The following SF1 variants were observed in gnomAD, a reference collection of about 807,000 sequenced individuals.
SF1 encodes splicing factor 1, also known as branch point-binding protein.
In SF1, 7 loss-of-function variants were observed where a neutral mutation model predicts 62.5. That is an observed-to-expected ratio of 0.11 (90% CI 0.06 to 0.21). The LOEUF is 0.21. SF1 is among the 10% of genes least tolerant of loss of function. SF1 has a pLI of 1.00. For synonymous variants in SF1, 394 were observed against 323.6 expected, an observed-to-expected ratio of 1.22 and a Z score of -2.33; for missense variants, 578 against 884.0, an observed-to-expected ratio of 0.65 and a Z score of 4.39.
At chr11:64,774,045 A>G (rs1037390097) in intron 2 of SF1, among the ~76,000 whole-genome samples, 1 of 152,274 alleles carries the variant, frequency 6.6e-6, no homozygotes, top group African/African-American at 2.4e-5. Flanking sequence ...AAGACATTTA[A>G]TAACAAAATT....
rs774329575 is a variant in SF1, at chr11:64,769,135, A to G, written c.780-6T>C. ...TCTGCCAGGGTCTTAAGATCCTATT[A>G]AAGGAAAAAGAGGTCAATGCAAGGG... On this transcript the variant is annotated splice_polypyrimidine_tract_variant and splice_region_variant and intron_variant, in intron 7 of 12. Coordinates refer to ENST00000377390, the MANE Select transcript of SF1 (RefSeq NM_004630.4). 3.2e-5 allele frequency: 51 copies of G among 1,613,278 alleles called. No individual in the cohort carries two copies. The highest frequency in any genetic ancestry group is 6.8e-6 in the Non-Finnish European group (8 of 1,179,306).
At position 64,778,507 on chromosome 11, in the gene SF1, C is replaced by G. The variant is rs1482442465; in HGVS notation, c.-115G>C. ...GCTGCCGGAGCGCGCGGAGCCCGTC[C>G]TCTCACGCGGCGGGCGGCGGCGGCG... On this transcript the variant is annotated 5_prime_UTR_variant, in exon 1 of 13. Coordinates refer to ENST00000377390, the MANE Select transcript of SF1 (RefSeq NM_004630.4). 4.2e-6 allele frequency: 5 copies of G among 1,190,568 alleles called. No individual in the cohort carries two copies. The East Asian group carries it at 1.7e-4, about 42-fold the overall frequency. 73.8% of individuals were successfully genotyped at this position (1,190,568 alleles called of 1,614,324 possible).
intron 12 of SF1, chr11:64,766,454 C>T (rs2058678309): frequency 8.2e-6 from 4 of 489,142 alleles, no homozygotes; most frequent in Non-Finnish European, 1.4e-5. Flanking sequence ...GCCCAGCCGC[C>T]GCCACCACCG....
chr11:64,771,091 C>T (rs1479441144), intron 3 of SF1, among the ~76,000 whole-genome samples: 1 of 152,142 alleles, frequency 6.6e-6, no homozygotes, highest in Non-Finnish European at 1.5e-5. Context: ...GCAGCTTCTG[C>T]GAGAGGCTGC....
At chr11:64,774,472 CGCA>C in intron 2 of SF1, among the ~76,000 whole-genome samples, 1 of 152,320 alleles carries the variant, frequency 6.6e-6, no homozygotes, top group Middle Eastern at 3.4e-3. Flanking sequence ...TCCTTACCTT[CGCA>C]GCATCTGAGA....
intron 3 of SF1, chr11:64,771,873 G>C: frequency 1.0e-6 from 1 of 985,376 alleles, no homozygotes; most frequent in Non-Finnish European, 1.2e-6. Flanking sequence ...GGGCTCAAAA[G>C]CAAAACCAAT....
chr11:64,766,501 TC>T, intron 12 of SF1: 1 of 453,898 alleles, frequency 2.2e-6, no homozygotes, highest in Non-Finnish European at 3.9e-6. Context: ...AGCTGCTGTC[TC>T]CCCACTGCCC....
chr11:64,766,233 G>A, intron 12 of SF1, 78 bp from the exon 13 acceptor site: 2 of 1,043,834 alleles, frequency 1.9e-6, no homozygotes, highest in Non-Finnish European at 2.8e-6. Flanking sequence ...TTGGGATGGG[G>A]GCGAGGGGCG....
chr11:64,778,118 G>A (rs1939680876), intron 1 of SF1: 4 of 863,638 alleles, frequency 4.6e-6, no homozygotes, highest in South Asian at 5.2e-5. Flanking sequence ...CGAGGCGCCG[G>A]GGGACGGTGG....
chr11:64,772,089 G>A, intron 3 of SF1: 2 of 985,418 alleles, frequency 2.0e-6, no homozygotes, highest in Non-Finnish European at 2.4e-6. Context: ...CCAAATTGCA[G>A]AAGTGAAAGG....
In SF1 at chr11:64,769,027, G is replaced by A. The variant is rs76197601; in HGVS notation, c.882C>T (p.Phe294=). ...GAGHIASDCK[F]QRPGDPQSAQ... is the part of the protein sequence containing the mutation. ...CGCAAGAGCCAGCCCCTCACCTTTG[G>A]AATTTACAGTCTGAAGCAATGTGGC... is the stretch of plus-strand genomic sequence containing the variant. The change falls in exon 8 of 13, where the codon TTC becomes TTT. Residue 294 remains phenylalanine, a synonymous_variant. Transcript: ENST00000377390. 1.6e-3 allele frequency: 2,546 copies of A among 1,611,644 alleles called. 38 individuals are homozygous for A. The African/African-American group carries it at 0.031, about 19-fold the overall frequency.
At chr11:64,777,194 G>A (rs1047466069) in intron 1 of SF1, among the ~76,000 whole-genome samples, 3 of 152,106 alleles carry the variant, frequency 2.0e-5, no homozygotes, top group Middle Eastern at 3.2e-3. Context: ...CTGGCCAGTT[G>A]GACACTGAGG....
intron 12 of SF1, chr11:64,766,538 C>A: frequency 2.4e-6 from 1 of 418,466 alleles, no homozygotes; most frequent in Non-Finnish European, 4.3e-6. Context: ...GTCTCTCACC[C>A]CAATCGCAGC....
intron 10 of SF1, 59 bp from the exon 11 acceptor site, chr11:64,767,310 C>A (rs751462213): frequency 2.0e-6 from 3 of 1,524,464 alleles, no homozygotes; most frequent in Non-Finnish European, 2.7e-6. Context: ...AGGGAAGCCA[C>A]CCCTGTGATA....
At chr11:64,766,468 G>A (rs1299082823) in intron 12 of SF1, 9 of 480,382 alleles carry the variant, frequency 1.9e-5, no homozygotes, top group South Asian at 2.7e-5. Context: ...ACCACCGAAC[G>A]GCACATTCAA....
At position 64,765,720 on chromosome 11, in the gene SF1, C is replaced by A; in HGVS notation, c.*98G>T. 1 of 1,463,212 alleles carries A rather than the reference C, an allele frequency of 6.8e-7. No individual in the cohort carries two copies. 90.6% of individuals were successfully genotyped at this position (1,463,212 alleles called of 1,614,324 possible). On this transcript the variant is annotated 3_prime_UTR_variant, in exon 13 of 13. Transcript: ENST00000377390. Reference sequence around the variant, plus strand: ...ACATGCGTGCACACACAATCACATGCGTGCGTCCCAATGTCTGGCTCCATA... The same window carrying A: ...ACATGCGTGCACACACAATCACATGAGTGCGTCCCAATGTCTGGCTCCATA...
chr11:64,770,573 G>T, intron 3 of SF1, 165 bp from the exon 4 acceptor site: 1 of 703,270 alleles, frequency 1.4e-6, no homozygotes, highest in Non-Finnish European at 2.3e-6. Flanking sequence ...GGAATGGGGA[G>T]ATGGAAGCTG....
At position 64,767,578 on chromosome 11, in the gene SF1, A is replaced by T. The variant is rs968635614; in HGVS notation, c.1335T>A (p.Pro445=). ...GGTCTGACACTTACTTACCCATTGG[A>T]GGAGGGCCATGGTGCCCAGGAGGGT... ...GPHPPGHHGP[P]PMDQYLGSTP... The change falls in exon 10 of 13, where the codon CCT becomes CCA. Residue 445 remains proline (P), a synonymous_variant. Transcript: ENST00000377390. 2 of 1,556,238 alleles carry T rather than the reference A, an allele frequency of 1.3e-6. No individual in the cohort carries two copies. The highest frequency in any genetic ancestry group is 2.8e-5 in the African/African-American group (2 of 72,152).
At chr11:64,773,183 C>A in intron 3 of SF1, 1 of 1,332,960 alleles carries the variant, frequency 7.5e-7, no homozygotes, top group Non-Finnish European at 9.6e-7. Context: ...TACATGCTTA[C>A]CAATTGGAAA....
Sources: allele counts gnomAD v4.1 joint callset (sites outside exome capture counted in the v4.1 genomes callset), GRCh38; gene constraint gnomAD v4.1.1; transcripts MANE v1.5; gene names NCBI Gene and HGNC (gene_info 2026-07-23, HGNC 2026-07-21).